The following SSTR3 variants were observed in gnomAD, a reference collection of about 807,000 sequenced individuals.
SSTR3 encodes the protein somatostatin receptor 3.
For missense variants in SSTR3, 504 were observed against 604.7 expected, an observed-to-expected ratio of 0.83 and a Z score of 1.75; for synonymous variants, 281 against 269.2, an observed-to-expected ratio of 1.04 and a Z score of -0.43.
Position 37,207,382 on chromosome 22 carries a change from C to A in SSTR3, c.422G>T (p.Arg141Leu), listed in dbSNP as rs373095766. ...GGTGGGATGTACCACGGCCAGGTAG[C>A]GGTCCACGCTCATGACAGTCAGGCA... Reference protein sequence around the residue: ...IFCLTVMSVDRYLAVVHPTRS... With the variant: ...IFCLTVMSVDLYLAVVHPTRS... The change falls in exon 2 of 2, where the codon CGC becomes CTC. Residue 141 changes from arginine (R) to leucine (L), a missense_variant. Transcript: ENST00000610913. 1.2e-5 allele frequency: 20 copies of A among 1,611,620 alleles called. No homozygotes were observed. The highest frequency in any genetic ancestry group is 1.6e-5 in the Non-Finnish European group (19 of 1,178,776).
upstream of SSTR3, among the ~76,000 whole-genome samples, chr22:37,213,537 C>T (rs1325518797): frequency 6.6e-6 from 1 of 152,214 alleles, no homozygotes; most frequent in African/African-American, 2.4e-5. Flanking sequence ...TGCGGCAGCA[C>T]ACAGTAGGAC....
chr22:37,208,967 C>A (rs1373738983), intron 1 of SSTR3, among the ~76,000 whole-genome samples: 2 of 152,088 alleles, frequency 1.3e-5, no homozygotes, highest in Non-Finnish European at 2.9e-5. Flanking sequence ...CCAGGCAGAG[C>A]CAGGCTGGAT....
chr22:37,213,680 G>A (rs1013196222), upstream of SSTR3, among the ~76,000 whole-genome samples: 2 of 152,192 alleles, frequency 1.3e-5, no homozygotes, highest in Non-Finnish European at 2.9e-5. Flanking sequence ...TGAGGTGTGG[G>A]TGGGCTCCTG....
At chr22:37,213,607 T>C (rs1350739707), upstream of SSTR3, among the ~76,000 whole-genome samples, 1 of 152,216 alleles carries the variant, frequency 6.6e-6, no homozygotes, top group Admixed American at 6.5e-5. Flanking sequence ...CTTTGCCTTG[T>C]GCCCGGGACA....
the SSTR3 span, among the ~76,000 whole-genome samples, chr22:37,219,797 G>A: frequency 3.3e-5 from 5 of 152,156 alleles, no homozygotes; most frequent in African/African-American, 1.2e-4. Flanking sequence ...CTTTGATGGT[G>A]GCTGACTGCG....
At chr22:37,216,787 G>A (rs1318339250), upstream of SSTR3, among the ~76,000 whole-genome samples, 1 of 133,292 alleles carries the variant, frequency 7.5e-6, no homozygotes, top group African/African-American at 2.5e-5. Flanking sequence ...TGGGGGCCTT[G>A]GGGTTTTTTT....
rs749316868 is a variant in SSTR3, at chr22:37,206,644, C to T, written c.1160G>A (p.Arg387Gln). 2.7e-5 allele frequency: 44 copies of T among 1,610,782 alleles called. No homozygotes were observed. Among genetic ancestry groups the T allele is most frequent in the African/African-American group, 4.0e-5 (3 of 74,918 alleles). Residue 387 changes from arginine to glutamine, a missense_variant, in exon 2 of 2, where the codon CGG becomes CAG. Arg to Gln is a conservative substitution (Grantham distance 43). Coordinates refer to ENST00000610913, the MANE Select transcript of SSTR3 (RefSeq NM_001051.5). ...CTTGCTGGCCACTCTGCTGGGCGGCCGCTCCTGCCCGCTGGTGCCAGGCTG... is the reference window on the plus strand; with the variant it reads ...CTTGCTGGCCACTCTGCTGGGCGGCTGCTCCTGCCCGCTGGTGCCAGGCTG... ...ITQPGTSGQE[R>Q]PPSRVASKEQ...
upstream of SSTR3, among the ~76,000 whole-genome samples, chr22:37,213,069 G>A (rs1011495291): frequency 1.3e-5 from 2 of 152,196 alleles, no homozygotes; most frequent in Non-Finnish European, 2.9e-5. Flanking sequence ...GAAGAATAGA[G>A]TTCTTTTTAC....
chr22:37,217,323 T>A (rs573045082), upstream of SSTR3, among the ~76,000 whole-genome samples: 22 of 133,270 alleles, frequency 1.7e-4, no homozygotes, highest in African/African-American at 5.4e-4. Context: ...AGCTAATTTT[T>A]TTATTATTAT....
upstream of SSTR3, among the ~76,000 whole-genome samples, chr22:37,215,364 G>C (rs995984918): frequency 6.6e-6 from 1 of 152,142 alleles, no homozygotes; most frequent in African/African-American, 2.4e-5. Context: ...TTATAGGCAT[G>C]AGCCACCTCG....
At chr22:37,220,462 G>T in the SSTR3 span, among the ~76,000 whole-genome samples, 2 of 152,188 alleles carry the variant, frequency 1.3e-5, no homozygotes, top group Non-Finnish European at 2.9e-5. Context: ...TGAGGCAGGA[G>T]AATTGCTTGA....
chr22:37,211,347 G>A (rs2145806938), intron 1 of SSTR3, among the ~76,000 whole-genome samples: 1 of 152,358 alleles, frequency 6.6e-6, no homozygotes, highest in African/African-American at 2.4e-5. Flanking sequence ...CCCAGCGCTG[G>A]GGGCTTGGGC....
upstream of SSTR3, among the ~76,000 whole-genome samples, chr22:37,215,251 A>AT (rs200675573): frequency 2.2e-4 from 33 of 150,376 alleles, no homozygotes; most frequent in Non-Finnish European, 3.1e-4. Context: ...ACCCATGGTA[A>AT]TTTTTTTTTT....
rs1925702454 is a variant in SSTR3, at chr22:37,205,913, C to T, written c.*634G>A. 6.6e-6 allele frequency: 1 copy of T among 152,254 alleles called. No homozygotes were observed. Among genetic ancestry groups the T allele is most frequent in the Non-Finnish European group, 1.5e-5 (1 of 68,070 alleles). The allele number at this position is 152,254 out of a possible 1,614,324, so 9.4% of individuals were successfully genotyped here. A position where few individuals can be genotyped will look rare whatever the true frequency, so the allele number is the denominator to read the frequency against. ...GAGCAGGAAATTCACCTGCTCTTCC[C>T]GTCCAGGAGCACAGGACCTCCAGCA... On this transcript the variant is annotated 3_prime_UTR_variant, in exon 2 of 2. Transcript: ENST00000610913.
rs569588769 is a variant in SSTR3 at position 37,211,035 on chromosome 22, TTGAG to T, written c.-37+786_-37+789del. 2.9e-5 allele frequency: 28 copies of T among 956,146 alleles called. No individual in the cohort carries two copies. The East Asian group carries it at 1.3e-3, about 43-fold the overall frequency. 59.2% of individuals were successfully genotyped at this position (956,146 alleles called of 1,614,324 possible). A position where few individuals can be genotyped will look rare whatever the true frequency, so the allele number is the denominator to read the frequency against. ...AGGAAGAAGTTGAGGCTCAGAGAGG[TTGAG>T]TAAGCTGCAAAGGGTCACCCAGCTG... On this transcript the variant is annotated intron_variant, in intron 1 of 1. Transcript: ENST00000610913.
chr22:37,211,565 A>G (rs974963359), intron 1 of SSTR3, among the ~76,000 whole-genome samples: 9 of 152,130 alleles, frequency 5.9e-5, no homozygotes, highest in Non-Finnish European at 1.3e-4. Flanking sequence ...AGCCAACGAC[A>G]TGATACATCT....
Position 37,206,331 on chromosome 22 carries a change from C to T in SSTR3, c.*216G>A, listed in dbSNP as rs1376517999. Reference sequence around the variant, plus strand: ...TCTCATCTGACATAGCTCATCCAGGCTGATGACTCCTATCCCTGAGTCACA... The same window carrying T: ...TCTCATCTGACATAGCTCATCCAGGTTGATGACTCCTATCCCTGAGTCACA... On this transcript the variant is annotated 3_prime_UTR_variant, in exon 2 of 2. Transcript: ENST00000610913. 3.0e-6 allele frequency: 2 copies of T among 668,934 alleles called. No homozygotes were observed. The highest frequency in any genetic ancestry group is 3.4e-5 in the Admixed American group (1 of 29,078). 41.4% of individuals were successfully genotyped at this position (668,934 alleles called of 1,614,324 possible). A position where few individuals can be genotyped will look rare whatever the true frequency, so the allele number is the denominator to read the frequency against.
At chr22:37,210,942 C>T in intron 1 of SSTR3, 1 of 985,506 alleles carries the variant, frequency 1.0e-6, no homozygotes, top group Non-Finnish European at 1.2e-6. Context: ...GGGACATTGT[C>T]CCCGGATGGA....
At chr22:37,213,834 GCCT>G (rs1926323895), upstream of SSTR3, among the ~76,000 whole-genome samples, 1 of 152,224 alleles carries the variant, frequency 6.6e-6, no homozygotes, top group African/African-American at 2.4e-5. Context: ...GCCTGCGCGG[GCCT>G]CCTCCTCTGC....
Sources: gnomAD v4.1 joint callset for allele counts (sites outside exome capture counted in the v4.1 genomes callset) on GRCh38, gnomAD v4.1.1 for gene constraint, MANE v1.5 for transcripts, NCBI Gene and HGNC (gene_info 2026-07-23, HGNC 2026-07-21) for gene names.